The following RFX7 variants were observed in gnomAD, a reference collection of about 807,000 sequenced individuals.
RFX7 encodes DNA-binding protein RFX7.
RFX7 carries 26 observed loss-of-function variants against 111.8 expected under a neutral mutation model. The ratio of observed to expected loss-of-function variants is 0.23; its 90% CI spans 0.17 to 0.32. The LOEUF (loss-of-function observed/expected upper bound fraction) is 0.32, where lower values mean the gene tolerates loss of function less well. RFX7 is among the 10% of genes least tolerant of loss of function. The pLI, the probability that RFX7 is intolerant of heterozygous loss-of-function variation, is 1.00. For missense variants in RFX7, 1,573 were observed against 1,772.9 expected, an observed-to-expected ratio of 0.89 and a Z score of 2.02; for synonymous variants, 624 against 624.4, an observed-to-expected ratio of 1.00 and a Z score of 0.01.
chr15:56,102,360 A>G lies in RFX7; in HGVS notation c.519-107T>C, dbSNP rs1175610981. The G allele has an allele frequency of 8.4e-6, 5 of 592,128 alleles. No individual in the cohort carries two copies. The East Asian group carries it at 9.0e-5, about 11-fold the overall frequency. The allele number at this position is 592,128 out of a possible 1,614,324, so 36.7% of individuals were successfully genotyped here. A position where few individuals can be genotyped will look rare whatever the true frequency, so the allele number is the denominator to read the frequency against. Reference sequence around the variant, plus strand: ...AATGAGAAAAAAAAATCAACATGACATAACATCTACTTTCTGAATTCTTCA... The same window carrying G: ...AATGAGAAAAAAAAATCAACATGACGTAACATCTACTTTCTGAATTCTTCA... On this transcript the variant is annotated intron_variant, in intron 6 of 9. Transcript: ENST00000559447.
intron 3 of RFX7, among the ~76,000 whole-genome samples, chr15:56,173,687 C>T (rs12592130): frequency 0.13 from 19,799 of 151,872 alleles, 1,691 homozygotes; most frequent in East Asian, 0.44. Flanking sequence ...GAGGCTACTC[C>T]GGAGGTTGAG....
chr15:56,142,705 C>G, intron 5 of RFX7, 73 bp downstream of exon 5: 2 of 1,376,620 alleles, frequency 1.5e-6, no homozygotes, highest in East Asian at 2.4e-5. Context: ...AATAATAAAA[C>G]AAATCACTAT....
intron 3 of RFX7, among the ~76,000 whole-genome samples, chr15:56,147,833 A>G (rs1187862154): frequency 2.0e-5 from 3 of 152,216 alleles, no homozygotes; most frequent in Non-Finnish European, 2.9e-5. Context: ...TTGGCCTCCC[A>G]AAGTGCTGGG....
intron 5 of RFX7, among the ~76,000 whole-genome samples, chr15:56,137,812 G>T (rs1458217085): frequency 2.0e-5 from 3 of 152,016 alleles, no homozygotes; most frequent in Non-Finnish European, 2.9e-5. Flanking sequence ...CTGGTATGTT[G>T]TGTCTTTGTT....
chr15:56,109,663 A>C, intron 5 of RFX7, among the ~76,000 whole-genome samples: 1 of 145,788 alleles, frequency 6.9e-6, no homozygotes, highest in Non-Finnish European at 1.5e-5. Flanking sequence ...CCGGCCGCCC[A>C]TCGTCTGAGA....
intron 5 of RFX7, among the ~76,000 whole-genome samples, chr15:56,141,369 AAAACAAAC>A (rs554820736): frequency 3.3e-5 from 5 of 151,908 alleles, no homozygotes; most frequent in African/African-American, 1.2e-4. Context: ...CCTGTCTCAA[AAAACAAAC>A]AAACAAACAA....
intron 2 of RFX7, among the ~76,000 whole-genome samples, chr15:56,194,443 T>C (rs909745379): frequency 4.6e-5 from 7 of 152,120 alleles, no homozygotes; most frequent in Non-Finnish European, 1.0e-4. Flanking sequence ...ACTCTTAGCT[T>C]CTACCCCTAT....
At chr15:56,205,962 A>G (rs1252045639) in intron 2 of RFX7, among the ~76,000 whole-genome samples, 8 of 152,242 alleles carry the variant, frequency 5.3e-5, no homozygotes, top group African/African-American at 1.9e-4. Flanking sequence ...AAAGATGTGA[A>G]GAAAGTGGAA....
chr15:56,172,559 T>C (rs553338218), intron 3 of RFX7, among the ~76,000 whole-genome samples: 41 of 152,228 alleles, frequency 2.7e-4, no homozygotes, highest in African/African-American at 9.4e-4. Flanking sequence ...AGGACAACTC[T>C]TCTGTTGAGA....
intron 2 of RFX7, among the ~76,000 whole-genome samples, chr15:56,235,255 C>T (rs1258180636): frequency 2.6e-5 from 4 of 151,948 alleles, no homozygotes; most frequent in African/African-American, 9.6e-5. Context: ...CTCACTGCAG[C>T]CCCTGCTTTT....
Position 56,094,909 on chromosome 15 carries a change from C to T in RFX7, c.2819G>A (p.Ser940Asn). 4 of 1,578,930 alleles carry T rather than the reference C, an allele frequency of 2.5e-6. No homozygotes were observed. Among genetic ancestry groups the T allele is most frequent in the Non-Finnish European group, 3.4e-6 (4 of 1,162,272 alleles). Residue 940 changes from serine (S) to asparagine (N), a missense_variant, in exon 10 of 10, where the codon AGC becomes AAC. This residue lies in a region of RFX7 where 625 missense variants were observed against 632.2 expected (regional missense o/e 0.99). Coordinates refer to ENST00000559447, the MANE Select transcript of RFX7 (RefSeq NM_022841.7). The part of the protein sequence containing the change: ...SSTHFYHPIH[S>N]NGTPIHTPTP... ...GGGTGTGTGGATTGGAGTGCCATTG[C>T]TGTGGATTGGATGATAGAAGTGGGT... is the stretch of plus-strand genomic sequence containing the variant.
intron 2 of RFX7, among the ~76,000 whole-genome samples, chr15:56,207,348 G>A (rs1284662512): frequency 2.0e-5 from 3 of 152,188 alleles, no homozygotes; most frequent in Non-Finnish European, 4.4e-5. Context: ...TCTGTGGATG[G>A]CTAGTGTTGA....
intron 5 of RFX7, among the ~76,000 whole-genome samples, chr15:56,142,562 GA>G (rs1472312963): frequency 6.6e-6 from 1 of 152,054 alleles, no homozygotes; most frequent in African/African-American, 2.4e-5. Flanking sequence ...TCATCCTGAA[GA>G]ACTCTACAGA....
intron 3 of RFX7, among the ~76,000 whole-genome samples, chr15:56,151,175 C>A (rs1012495807): frequency 1.3e-4 from 20 of 152,158 alleles, no homozygotes; most frequent in Admixed American, 4.6e-4. Context: ...CCGAGCAAGA[C>A]AGGCCAACAT....
intron 2 of RFX7, among the ~76,000 whole-genome samples, chr15:56,183,629 G>A (rs1053933879): frequency 6.6e-6 from 1 of 151,992 alleles, no homozygotes; most frequent in African/African-American, 2.4e-5. Flanking sequence ...ATAAAATTTA[G>A]GTCTATTTAT....
At chr15:56,226,458 G>T (rs1165514984) in intron 2 of RFX7, among the ~76,000 whole-genome samples, 1 of 152,150 alleles carries the variant, frequency 6.6e-6, no homozygotes, top group Non-Finnish European at 1.5e-5. Context: ...TGGAAAGAGT[G>T]ACAAACAGAT....
intron 2 of RFX7, among the ~76,000 whole-genome samples, chr15:56,180,428 T>C (rs2042956718): frequency 1.3e-5 from 2 of 152,176 alleles, no homozygotes; most frequent in Admixed American, 6.5e-5. Flanking sequence ...CTACAAAAGA[T>C]TTTTAGGTTT....
At chr15:56,129,427 T>C (rs1237046177) in intron 5 of RFX7, among the ~76,000 whole-genome samples, 1 of 151,636 alleles carries the variant, frequency 6.6e-6, no homozygotes, top group Non-Finnish European at 1.5e-5. Context: ...TTTATAGAAC[T>C]CATGTTAAGT....
chr15:56,134,198 G>C (rs939716247), intron 5 of RFX7, among the ~76,000 whole-genome samples: 27 of 152,112 alleles, frequency 1.8e-4, no homozygotes, highest in Non-Finnish European at 2.9e-4. Context: ...CACACTGGTA[G>C]AGTCACTTAA....
Sources: allele counts gnomAD v4.1 joint callset (sites outside exome capture counted in the v4.1 genomes callset), GRCh38; gene constraint gnomAD v4.1.1; regional missense constraint gnomAD v4.1.1; transcripts MANE v1.5; gene names NCBI Gene and HGNC (gene_info 2026-07-23, HGNC 2026-07-21).